The following DPP6 variants were observed in gnomAD, a reference collection of about 807,000 sequenced individuals.
DPP6 encodes the protein A-type potassium channel modulatory protein DPP6.
Under a neutral mutation model 122.6 loss-of-function variants are expected in DPP6, and 69 were observed. The observed-to-expected ratio is 0.56, with a 90% CI of 0.46 to 0.69. The LOEUF (loss-of-function observed/expected upper bound fraction) is 0.69, where lower values mean the gene tolerates loss of function less well. Among genes scored for constraint, DPP6 ranks in the 30% least tolerant of loss-of-function variants. The probability of loss-of-function intolerance (pLI) is 0.00; values close to 1 mark genes in which losing one functional copy is unlikely to be tolerated. For synonymous variants in DPP6, 418 were observed against 433.1 expected (o/e 0.97, Z 0.43); for missense variants, 928 against 1,116.9 (o/e 0.83, Z 2.41).
At chr7:154,270,419 C>T (rs1415446621) in intron 1 of DPP6, among the ~76,000 whole-genome samples, 2 of 152,020 alleles carry the variant, frequency 1.3e-5, no homozygotes, top group Non-Finnish European at 2.9e-5. Flanking sequence ...CAAAAGAAAA[C>T]ATGTCGTTGG....
chr7:154,331,468 C>G (rs1057338479), intron 1 of DPP6, among the ~76,000 whole-genome samples: 1 of 152,098 alleles, frequency 6.6e-6, no homozygotes, highest in African/African-American at 2.4e-5. Flanking sequence ...TGTAAATGAG[C>G]CACTCAGGCT....
chr7:154,811,988 G>C (rs1038051089), intron 16 of DPP6, among the ~76,000 whole-genome samples: 2 of 152,174 alleles, frequency 1.3e-5, no homozygotes, highest in African/African-American at 4.8e-5. Context: ...GCAATGAGAG[G>C]CTTCTCTATG....
intron 6 of DPP6, among the ~76,000 whole-genome samples, chr7:154,643,864 TTTTG>T (rs891842292): frequency 9.2e-5 from 14 of 152,020 alleles, no homozygotes; most frequent in African/African-American, 3.4e-4. Context: ...ATAGCTGAGT[TTTTG>T]TTTGTTTGTT....
At chr7:154,020,949 G>A (rs1461387306) in intron 1 of DPP6, among the ~76,000 whole-genome samples, 1 of 152,156 alleles carries the variant, frequency 6.6e-6, no homozygotes, top group East Asian at 1.9e-4. Flanking sequence ...GATACAATGT[G>A]GAAAGAGCTG....
At chr7:153,768,482 T>C in the DPP6 span, among the ~76,000 whole-genome samples, 5 of 151,206 alleles carry the variant, frequency 3.3e-5, no homozygotes, top group Non-Finnish European at 5.9e-5. Flanking sequence ...TACCAAAGAG[T>C]TTTTCAAGGC....
rs568563919 is a variant in DPP6 at position 154,383,455 on chromosome 7, G to A, written c.244-62759G>A. ...TGTTTAATATGAGAATATTTTCACC[G>A]TCGAGGGCATGTTGATTATTCCTAG... On this transcript the variant is annotated intron_variant, in intron 1 of 25. Transcript: ENST00000377770. Among the ~76,000 whole-genome samples, 68 of 152,236 alleles carry A rather than the reference G, an allele frequency of 4.5e-4. 1 individual carries two copies. The highest frequency in any genetic ancestry group is 5.4e-4 in the Non-Finnish European group (37 of 68,018).
At chr7:153,859,371 A>C in the DPP6 span, among the ~76,000 whole-genome samples, 3 of 152,216 alleles carry the variant, frequency 2.0e-5, no homozygotes, top group Non-Finnish European at 2.9e-5. Flanking sequence ...TGGCATACAA[A>C]GAGGACAATG....
upstream of DPP6, among the ~76,000 whole-genome samples, chr7:153,882,784 G>A (rs143190489): frequency 6.6e-6 from 1 of 152,288 alleles, no homozygotes; most frequent in Non-Finnish European, 1.5e-5. Flanking sequence ...TCCCAAACAT[G>A]GCAGACCCTA....
rs533526323 is a variant in DPP6 at position 154,588,042 on chromosome 7, C to G, written c.627+21126C>G. ...ATCTGCTCACCCCGGGGATAATGCACAGCAGCTACAGGCAGATTTCGGGCC... is the reference window on the plus strand; with the variant it reads ...ATCTGCTCACCCCGGGGATAATGCAGAGCAGCTACAGGCAGATTTCGGGCC... On this transcript the variant is annotated intron_variant, in intron 5 of 25. Coordinates refer to ENST00000377770, the MANE Select transcript of DPP6 (RefSeq NM_130797.4). 3 of 1,610,978 alleles carry G rather than the reference C, an allele frequency of 1.9e-6. No homozygotes were observed. The African/African-American group carries it at 4.0e-5, about 21-fold the overall frequency.
intron 1 of DPP6, among the ~76,000 whole-genome samples, chr7:153,991,304 T>G (rs1475123573): frequency 6.6e-6 from 1 of 152,162 alleles, no homozygotes; most frequent in Non-Finnish European, 1.5e-5. Flanking sequence ...AGTGATCTTC[T>G]TTGGTAATTT....
intron 1 of DPP6, among the ~76,000 whole-genome samples, chr7:154,243,807 A>G (rs1048462675): frequency 6.6e-6 from 1 of 152,004 alleles, no homozygotes; most frequent in African/African-American, 2.4e-5. Context: ...AAAAAAAAAG[A>G]AAAGAGTGGC....
intron 2 of DPP6, among the ~76,000 whole-genome samples, chr7:154,472,459 TCAA>T (rs1187547288): frequency 2.2e-4 from 4 of 18,018 alleles, no homozygotes; most frequent in Non-Finnish European, 1.4e-3. Flanking sequence ...CCTCCTGGAA[TCAA>T]TCCCTCCCAC....
At chr7:154,242,879 G>A (rs377652814) in intron 1 of DPP6, among the ~76,000 whole-genome samples, 3 of 152,182 alleles carry the variant, frequency 2.0e-5, no homozygotes, top group African/African-American at 7.2e-5. Flanking sequence ...GCAGGGCTGG[G>A]AATGAATGAA....
Position 154,772,850 on chromosome 7 carries a change from A to G in DPP6, c.1044A>G (p.Gly348=), listed in dbSNP as rs1350158706. 1.2e-6 allele frequency: 2 copies of G among 1,612,222 alleles called. No homozygotes were observed. Among genetic ancestry groups the G allele is most frequent in the Non-Finnish European group, 1.7e-6 (2 of 1,179,412 alleles). The change falls in exon 10 of 26, where the codon GGA becomes GGG. Residue 348 remains glycine (G), a synonymous_variant. Coordinates refer to ENST00000377770, the MANE Select transcript of DPP6 (RefSeq NM_130797.4). The part of the protein sequence containing the change: ...TVKPYHYPKA[G]SENPSISLHV... ...TGCCCCTTTTTAATCCCCAGGCTGG[A>G]AGTGAGAACCCCAGCATTTCCCTAC...
chr7:154,513,251 T>G, intron 3 of DPP6, among the ~76,000 whole-genome samples: 1 of 152,152 alleles, frequency 6.6e-6, no homozygotes, highest in African/African-American at 2.4e-5. Flanking sequence ...AAACCACTGC[T>G]TTTTGTGAAT....
chr7:154,362,083 A>T (rs1177274638), intron 1 of DPP6, among the ~76,000 whole-genome samples: 1 of 152,246 alleles, frequency 6.6e-6, no homozygotes, highest in Admixed American at 6.5e-5. Context: ...GGAGTATCTA[A>T]AGGGTGAATT....
chr7:153,750,932 G>A, the DPP6 span, among the ~76,000 whole-genome samples: 5 of 152,160 alleles, frequency 3.3e-5, no homozygotes, highest in Admixed American at 6.5e-5. Flanking sequence ...TGCCTGTAAA[G>A]TTTGCAGCTT....
intron 17 of DPP6, among the ~76,000 whole-genome samples, chr7:154,862,568 C>G (rs186249432): frequency 6.6e-6 from 1 of 152,332 alleles, no homozygotes; most frequent in East Asian, 1.9e-4. Context: ...GCTTCTTCCT[C>G]TCTACTACCT....
intron 1 of DPP6, among the ~76,000 whole-genome samples, chr7:154,433,343 T>A (rs1055086476): frequency 6.6e-6 from 1 of 151,388 alleles, no homozygotes; most frequent in African/African-American, 2.4e-5. Context: ...TTGTTTTTGT[T>A]TTTTTAGTAG....
Sources: gnomAD v4.1 joint callset for allele counts (sites outside exome capture counted in the v4.1 genomes callset) on GRCh38, gnomAD v4.1.1 for gene constraint, MANE v1.5 for transcripts, NCBI Gene and HGNC (gene_info 2026-07-23, HGNC 2026-07-21) for gene names.